CRACR2A: variants seen among roughly 807,000 people sequenced by gnomAD.
The protein encoded by CRACR2A is EF-hand calcium-binding domain-containing protein 4B.
A neutral mutation model predicts 90.5 loss-of-function variants in CRACR2A; 79 were observed. That is an observed-to-expected ratio of 0.87 (90% CI 0.73 to 1.05). CRACR2A has a LOEUF of 1.05. Among genes scored for constraint, CRACR2A ranks in the 50% least tolerant of loss-of-function variants. The pLI is 0.00. For synonymous variants in CRACR2A, 338 were observed against 356.7 expected (o/e 0.95, Z 0.59); for missense variants, 823 against 897.2 (o/e 0.92, Z 1.06).
chr12:3,744,201 T>C (rs909750579), intron 1 of CRACR2A, among the ~76,000 whole-genome samples: 2 of 152,262 alleles, frequency 1.3e-5, no homozygotes, highest in Non-Finnish European at 2.9e-5. Flanking sequence ...TTTCATAGTA[T>C]GTGTGTAATT....
At chr12:3,624,918 C>A (rs1390623921) in intron 17 of CRACR2A, among the ~76,000 whole-genome samples, 3 of 152,214 alleles carry the variant, frequency 2.0e-5, no homozygotes, top group Admixed American at 1.3e-4. Context: ...AATCAAAATT[C>A]CCTGGGGAGC....
chr12:3,746,425 C>T lies in CRACR2A; in HGVS notation c.-387+6590G>A, dbSNP rs554555103. ...CACCCTTCCTCCACCCTCCCTCTCC[C>T]TTCTTCCTCTCCCATTCTCTCCCTC... On this transcript the variant is annotated intron_variant, in intron 1 of 19. Transcript: ENST00000440314. The surrounding 1 kb of genome is among the most constrained non-coding windows in gnomAD (Gnocchi z 4.4). 3.3e-5 allele frequency among the ~76,000 whole-genome samples: 5 copies of T among 152,126 alleles called. No homozygotes were observed. The highest frequency in any genetic ancestry group is 9.6e-5 in the African/African-American group (4 of 41,490).
intron 15 of CRACR2A, among the ~76,000 whole-genome samples, chr12:3,628,003 CTCCCTCCCTCCCTCCCTCTCTCCT>C (rs766653522): frequency 8.2e-6 from 1 of 122,144 alleles, no homozygotes; most frequent in Non-Finnish European, 1.8e-5. Flanking sequence ...CTTTCTTTCC[CTCCCTCCCTCCCTCCCTCTCTCCT>C]TCCCTCCCTC....
chr12:3,640,698 T>C (rs1180955928), intron 13 of CRACR2A: 1 of 1,305,298 alleles, frequency 7.7e-7, no homozygotes, highest in African/African-American at 1.5e-5. Context: ...TGCATATCTT[T>C]TTCATTTCAT....
At position 3,753,046 on chromosome 12, in the gene CRACR2A, C is replaced by G. The variant is rs1011280208; in HGVS notation, c.-418G>C. On this transcript the variant is annotated 5_prime_UTR_variant, in exon 1 of 20. Coordinates refer to ENST00000440314, the MANE Select transcript of CRACR2A (RefSeq NM_001144958.2). Reference sequence around the variant, plus strand: ...CGTGTAGGCTTCCCGTGGACCTGCCCGCGCCGCCCGCTCGGCTCTCAGCTG... The same window carrying G: ...CGTGTAGGCTTCCCGTGGACCTGCCGGCGCCGCCCGCTCGGCTCTCAGCTG... The G allele has an allele frequency of 6.6e-6, 1 of 152,416 alleles. No individual in the cohort carries two copies. The highest frequency in any genetic ancestry group is 1.5e-5 in the Non-Finnish European group (1 of 68,196). The allele number at this position is 152,416 out of a possible 1,614,324, so 9.4% of individuals were successfully genotyped here.
At chr12:3,657,413 TC>T (rs1944933251) in intron 8 of CRACR2A, among the ~76,000 whole-genome samples, 1 of 152,194 alleles carries the variant, frequency 6.6e-6, no homozygotes, top group Admixed American at 6.5e-5. Context: ...TAGACGGGTG[TC>T]CTGGCATGAC....
At chr12:3,636,401 C>G (rs1203442383) in intron 14 of CRACR2A, among the ~76,000 whole-genome samples, 1 of 152,198 alleles carries the variant, frequency 6.6e-6, no homozygotes, top group Non-Finnish European at 1.5e-5. Context: ...AGCAGGACCT[C>G]GTGGAGTGGG....
At chr12:3,621,452 G>C (rs1474313272) in intron 17 of CRACR2A, among the ~76,000 whole-genome samples, 3 of 146,756 alleles carry the variant, frequency 2.0e-5, no homozygotes, top group African/African-American at 7.6e-5. Flanking sequence ...AGGAGTTCAA[G>C]ACCAGCCTGG....
At chr12:3,749,195 A>T (rs1946668825) in intron 1 of CRACR2A, among the ~76,000 whole-genome samples, 1 of 152,244 alleles carries the variant, frequency 6.6e-6, no homozygotes, top group African/African-American at 2.4e-5. Flanking sequence ...CCCTTGGGCC[A>T]TGCCTGGCAC....
At chr12:3,751,751 G>C (rs1283449146) in intron 1 of CRACR2A, among the ~76,000 whole-genome samples, 1 of 106,594 alleles carries the variant, frequency 9.4e-6, no homozygotes, top group African/African-American at 3.8e-5. Context: ...TTATAGTATA[G>C]AACCGAGAGG....
At chr12:3,728,601 T>C (rs979156186) in intron 2 of CRACR2A, 1 of 152,286 alleles carries the variant, frequency 6.6e-6, no homozygotes, top group Non-Finnish European at 1.5e-5. Context: ...CTCTTTCAGC[T>C]GGCTGGGTTT....
At chr12:3,631,176 G>A (rs926116871) in intron 15 of CRACR2A, among the ~76,000 whole-genome samples, 3 of 152,226 alleles carry the variant, frequency 2.0e-5, no homozygotes, top group African/African-American at 7.2e-5. Context: ...GCTCGAGCAT[G>A]TGTGGAGTGG....
At chr12:3,672,663 T>A (rs1479755713) in intron 7 of CRACR2A, 1 of 713,420 alleles carries the variant, frequency 1.4e-6, no homozygotes, top group African/African-American at 1.9e-5. Flanking sequence ...ACAGTGCCCA[T>A]AACCATGCAT....
intron 14 of CRACR2A, 63 bp downstream of exon 14, chr12:3,638,061 C>A: frequency 6.9e-7 from 1 of 1,456,048 alleles, no homozygotes; most frequent in Non-Finnish European, 9.1e-7. Flanking sequence ...GGCGCTTGGC[C>A]TCAAATGCAA....
intron 3 of CRACR2A, among the ~76,000 whole-genome samples, chr12:3,699,771 G>A (rs566898900): frequency 4.6e-5 from 7 of 152,302 alleles, no homozygotes; most frequent in Non-Finnish European, 5.9e-5. Flanking sequence ...TTTACCGCCA[G>A]TTTCTAGCCT....
intron 3 of CRACR2A, 56 bp downstream of exon 3, chr12:3,713,181 G>C (rs1054188290): frequency 3.8e-5 from 34 of 887,448 alleles, no homozygotes; most frequent in Non-Finnish European, 4.3e-5. Context: ...GTTGGGGTCT[G>C]GGGTGGGGGC....
intron 12 of CRACR2A, among the ~76,000 whole-genome samples, chr12:3,644,078 C>CAT (rs1261896082): frequency 8.4e-5 from 12 of 143,304 alleles, no homozygotes; most frequent in Non-Finnish European, 1.7e-4. Context: ...GCACACACTA[C>CAT]ATATATATAG....
Position 3,648,595 on chromosome 12 carries a change from C to G in CRACR2A, c.1065G>C (p.Thr355=), listed in dbSNP as rs561395966. 136 of 1,614,028 alleles carry G rather than the reference C, an allele frequency of 8.4e-5. No individual in the cohort carries two copies. In the South Asian group the frequency reaches 1.4e-3, roughly 17 times the overall value. ...QEKEMEVYRV[T]ESLQREKAGL... is the part of the protein sequence containing the mutation. Reference sequence around the variant, plus strand: ...CGGCCTTCTCACGCTGTAGACTCTCCGTCACACGGTACACTTCCCTGAGGA... The same window carrying G: ...CGGCCTTCTCACGCTGTAGACTCTCGGTCACACGGTACACTTCCCTGAGGA... Residue 355 remains threonine (T), a synonymous_variant, in exon 11 of 20, where the codon ACG becomes ACC. Transcript: ENST00000440314.
chr12:3,745,825 T>G (rs55742758), intron 1 of CRACR2A, among the ~76,000 whole-genome samples: 1,945 of 100,508 alleles, frequency 0.019, 59 homozygotes, highest in African/African-American at 0.06. Flanking sequence ...TAAAATAAAA[T>G]AAAGAAAGAA....
Sources: allele counts gnomAD v4.1 joint callset (sites outside exome capture counted in the v4.1 genomes callset), GRCh38; gene constraint gnomAD v4.1.1; non-coding constraint Gnocchi (gnomAD v3.1); transcripts MANE v1.5; gene names NCBI Gene and HGNC (gene_info 2026-07-23, HGNC 2026-07-21).